EGFLAM: variants seen among roughly 807,000 people sequenced by gnomAD.
EGFLAM encodes pikachurin.
EGFLAM carries 79 observed loss-of-function variants against 113.1 expected under a neutral mutation model. That is an observed-to-expected ratio of 0.70 (90% confidence interval 0.58 to 0.84). EGFLAM has a LOEUF of 0.84. Among genes scored for constraint, EGFLAM ranks in the 40% least tolerant of loss-of-function variants. The pLI, the probability that EGFLAM is intolerant of heterozygous loss-of-function variation, is 0.00. For synonymous variants in EGFLAM, 504 were observed against 487.6 expected, an observed-to-expected ratio of 1.03 and a Z score of -0.44; for missense variants, 1,265 against 1,291.6, an observed-to-expected ratio of 0.98 and a Z score of 0.32.
intron 16 of EGFLAM, 112 bp from the exon 17 acceptor site, chr5:38,438,163 T>A (rs1742411552): frequency 8.9e-6 from 10 of 1,124,934 alleles, no homozygotes; most frequent in East Asian, 3.0e-5. Flanking sequence ...CTTAAAAAAA[T>A]TTTTTTTCAA....
intron 5 of EGFLAM, among the ~76,000 whole-genome samples, chr5:38,359,291 G>A (rs1272814541): frequency 6.6e-6 from 1 of 152,204 alleles, no homozygotes; most frequent in Non-Finnish European, 1.5e-5. Flanking sequence ...TTCTAAAGGT[G>A]TCACCTTATT....
At position 38,347,025 on chromosome 5, in the gene EGFLAM, T is replaced by C. The variant is rs538243073; in HGVS notation, c.292-3476T>C. 1.8e-4 allele frequency among the ~76,000 whole-genome samples: 27 copies of C among 152,164 alleles called. No homozygotes were observed. In the South Asian group the frequency reaches 5.4e-3, roughly 30 times the overall value. Reference sequence around the variant, plus strand: ...GCAAAGAGTCAAAGGGGCCGTAACTTGGGCACCAAGGTGGAAATGGGATGA... The same window carrying C: ...GCAAAGAGTCAAAGGGGCCGTAACTCGGGCACCAAGGTGGAAATGGGATGA... On this transcript the variant is annotated intron_variant, in intron 3 of 21. Coordinates refer to ENST00000322350, the MANE Select transcript of EGFLAM (RefSeq NM_152403.4).
At chr5:38,392,482 C>G (rs2956589) in intron 6 of EGFLAM, among the ~76,000 whole-genome samples, 60,453 of 152,094 alleles carry the variant, frequency 0.4, 15,922 homozygotes, top group African/African-American at 0.76. Flanking sequence ...CCACTAATGG[C>G]ATTGCTGGGT....
intron 11 of EGFLAM, among the ~76,000 whole-genome samples, chr5:38,413,393 C>A (rs1741546390): frequency 6.6e-6 from 1 of 151,698 alleles, no homozygotes; most frequent in Non-Finnish European, 1.5e-5. Context: ...CAATCCTGTG[C>A]TTTAGAAGAC....
At position 38,329,300 on chromosome 5, in the gene EGFLAM, A is replaced by G. The variant is rs1393391189; in HGVS notation, c.98-8220A>G. ...GGAGACCCTATCTCAAAGATAAATAAATAAATAAATAAATAAATAAATAAA... is the reference window on the plus strand; with the variant it reads ...GGAGACCCTATCTCAAAGATAAATAGATAAATAAATAAATAAATAAATAAA... On this transcript the variant is annotated intron_variant, in intron 1 of 21. Transcript: ENST00000322350. Among the ~76,000 whole-genome samples, 3 of 10,050 alleles carry G rather than the reference A, an allele frequency of 3.0e-4. No homozygotes were observed. The African/African-American group carries it at 3.2e-3, about 11-fold the overall frequency. The allele number at this position is 10,050 out of a possible 152,430, so 6.6% of individuals were successfully genotyped here.
chr5:38,406,601 T>C (rs1318115539), intron 7 of EGFLAM, among the ~76,000 whole-genome samples: 2 of 152,212 alleles, frequency 1.3e-5, no homozygotes, highest in Non-Finnish European at 2.9e-5. Context: ...AATAATGTAA[T>C]ATCAGTTTTA....
intron 21 of EGFLAM, among the ~76,000 whole-genome samples, chr5:38,463,405 G>T (rs1743356651): frequency 6.6e-6 from 1 of 152,140 alleles, no homozygotes; most frequent in Admixed American, 6.5e-5. Context: ...AAAATGAAAA[G>T]CTATTTTTAT....
chr5:38,451,655 G>A, intron 19 of EGFLAM, 197 bp downstream of exon 19: 2 of 732,466 alleles, frequency 2.7e-6, no homozygotes, highest in African/African-American at 1.8e-5. Context: ...GCAAACTATG[G>A]CCTGCAGGCC....
intron 6 of EGFLAM, among the ~76,000 whole-genome samples, chr5:38,389,058 C>A (rs1341469471): frequency 6.6e-6 from 1 of 151,674 alleles, no homozygotes; most frequent in African/African-American, 2.4e-5. Flanking sequence ...ACTTTCAAAG[C>A]AGTTTTATAG....
At position 38,427,948 on chromosome 5, in the gene EGFLAM, C is replaced by T. The variant is rs79276460; in HGVS notation, c.2054+696C>T. Among the ~76,000 whole-genome samples, 34 of 152,208 alleles carry T rather than the reference C, an allele frequency of 2.2e-4. No individual in the cohort carries two copies. The East Asian group carries it at 5.2e-3, about 23-fold the overall frequency. On this transcript the variant is annotated intron_variant, in intron 14 of 21. Coordinates refer to ENST00000322350, the MANE Select transcript of EGFLAM (RefSeq NM_152403.4). Reference sequence around the variant, plus strand: ...TGTACTATTAAATTACTTAGCAGGTCGATTGTTCCTTGGAGCCTGTAGTTG... The same window carrying T: ...TGTACTATTAAATTACTTAGCAGGTTGATTGTTCCTTGGAGCCTGTAGTTG...
At chr5:38,375,697 G>A (rs62353605) in intron 6 of EGFLAM, among the ~76,000 whole-genome samples, 11,689 of 93,860 alleles carry the variant, frequency 0.12, 500 homozygotes, top group Middle Eastern at 0.21. Flanking sequence ...CTCTTGTGCT[G>A]GTAGTTAATG....
intron 12 of EGFLAM, among the ~76,000 whole-genome samples, chr5:38,423,142 C>T (rs2112178979): frequency 6.6e-6 from 1 of 152,324 alleles, no homozygotes; most frequent in South Asian, 2.1e-4. Flanking sequence ...TTCTTCCCTC[C>T]TGCACCATTA....
At chr5:38,271,806 C>T (rs1423172697) in intron 1 of EGFLAM, among the ~76,000 whole-genome samples, 2 of 152,334 alleles carry the variant, frequency 1.3e-5, no homozygotes, top group African/African-American at 2.4e-5. Context: ...TCAAGAAAAG[C>T]ACCATGACTT....
At chr5:38,358,918 A>T (rs977973139) in intron 5 of EGFLAM, among the ~76,000 whole-genome samples, 13 of 152,192 alleles carry the variant, frequency 8.5e-5, no homozygotes, top group African/African-American at 3.1e-4. Context: ...TAAAACACAA[A>T]AGCCATGTGT....
rs763729860 is a variant in EGFLAM, at chr5:38,350,637, C to A, written c.409+19C>A. ...TCCCAAGGTAAAGTAGGTTCAAATT[C>A]ATTAATAGGTGGCAGGCTGCTATCC... is the stretch of plus-strand genomic sequence containing the variant. On this transcript the variant is annotated intron_variant, in intron 4 of 21. Coordinates refer to ENST00000322350, the MANE Select transcript of EGFLAM (RefSeq NM_152403.4). 7 of 1,606,092 alleles carry A rather than the reference C, an allele frequency of 4.4e-6. No homozygotes were observed. Among genetic ancestry groups the A allele is most frequent in the Non-Finnish European group, 2.6e-6 (3 of 1,174,072 alleles).
At chr5:38,423,062 C>T (rs1276244758) in intron 12 of EGFLAM, among the ~76,000 whole-genome samples, 1 of 152,176 alleles carries the variant, frequency 6.6e-6, no homozygotes, top group African/African-American at 2.4e-5. Context: ...TCACCTTAGA[C>T]TTAAATCCAA....
At chr5:38,278,265 C>T (rs1266500065) in intron 1 of EGFLAM, among the ~76,000 whole-genome samples, 1 of 152,012 alleles carries the variant, frequency 6.6e-6, no homozygotes, top group African/African-American at 2.4e-5. Context: ...ATTTTTGACA[C>T]AAGTGGTAAG....
chr5:38,407,071 T>A lies in EGFLAM; in HGVS notation c.1072T>A (p.Cys358Ser). 1 of 1,614,166 alleles carries A rather than the reference T, an allele frequency of 6.2e-7. No homozygotes were observed. Among genetic ancestry groups the A allele is most frequent in the Non-Finnish European group, 8.5e-7 (1 of 1,180,032 alleles). Residue 358 changes from cysteine to serine, a missense_variant, in exon 8 of 22, where the codon TGT becomes AGT. Coordinates refer to ENST00000322350, the MANE Select transcript of EGFLAM (RefSeq NM_152403.4). ...AACTCTCTGCTCTGCTGACAGCTTCTGTGTCAATGACTACACCTGGGGGGG... is the reference window on the plus strand; with the variant it reads ...AACTCTCTGCTCTGCTGACAGCTTCAGTGTCAATGACTACACCTGGGGGGG... ...DETLCSADSF[C>S]VNDYTWGGSR... is the part of the protein sequence containing the mutation.
At chr5:38,436,329 C>A (rs986582527) in intron 16 of EGFLAM, among the ~76,000 whole-genome samples, 1 of 152,074 alleles carries the variant, frequency 6.6e-6, no homozygotes, top group South Asian at 2.1e-4. Flanking sequence ...GCTAAAGGAT[C>A]CTTTTTGGAC....
Sources: allele counts gnomAD v4.1 joint callset (sites outside exome capture counted in the v4.1 genomes callset), GRCh38; gene constraint gnomAD v4.1.1; transcripts MANE v1.5; gene names NCBI Gene and HGNC (gene_info 2026-07-23, HGNC 2026-07-21).